The following CSNK1G1 variants were observed in gnomAD, a reference collection of about 807,000 sequenced individuals.
CSNK1G1 encodes the protein casein kinase 1 gamma 1, also known as casein kinase I isoform gamma-1.
CSNK1G1 carries 22 observed loss-of-function variants against 59.6 expected under a neutral mutation model. That is an observed-to-expected ratio of 0.37 (90% CI 0.26 to 0.53). The LOEUF is 0.53. Among genes scored for constraint, CSNK1G1 ranks in the 20% least tolerant of loss-of-function variants. The probability of loss-of-function intolerance (pLI) is 0.89; values close to 1 mark genes in which losing one functional copy is unlikely to be tolerated. For synonymous variants in CSNK1G1, 179 were observed against 177.1 expected (o/e 1.01, Z -0.08); for missense variants, 384 against 519.5 (o/e 0.74, Z 2.54).
chr15:64,198,896 C>T (rs921061687), intron 10 of CSNK1G1, among the ~76,000 whole-genome samples: 1 of 151,898 alleles, frequency 6.6e-6, no homozygotes, highest in African/African-American at 2.4e-5. Context: ...GGCGTTATAA[C>T]ATTTACATCA....
At chr15:64,324,230 CTGAG>C (rs1896721392) in intron 1 of CSNK1G1, among the ~76,000 whole-genome samples, 1 of 152,198 alleles carries the variant, frequency 6.6e-6, no homozygotes, top group African/African-American at 2.4e-5. Flanking sequence ...ATGGTTAATA[CTGAG>C]TGTCAACTTG....
chr15:64,241,241 C>A (rs766241512), intron 4 of CSNK1G1, among the ~76,000 whole-genome samples: 8 of 152,108 alleles, frequency 5.3e-5, no homozygotes, highest in Non-Finnish European at 1.0e-4. Flanking sequence ...GATCTTAAGT[C>A]AAAGCTGTAA....
intron 1 of CSNK1G1, among the ~76,000 whole-genome samples, chr15:64,330,496 C>G (rs1897065220): frequency 7.5e-6 from 1 of 132,722 alleles, no homozygotes; most frequent in African/African-American, 2.9e-5. Context: ...TAAAAACTCT[C>G]AATAAATTAG....
intron 1 of CSNK1G1, among the ~76,000 whole-genome samples, chr15:64,307,680 C>G (rs1193796466): frequency 6.6e-6 from 1 of 152,114 alleles, no homozygotes; most frequent in African/African-American, 2.4e-5. Flanking sequence ...CAGCAACTTA[C>G]TTGTTTTTGA....
intron 6 of CSNK1G1, among the ~76,000 whole-genome samples, chr15:64,211,101 A>AT (rs1472181038): frequency 6.6e-6 from 1 of 152,192 alleles, no homozygotes; most frequent in Non-Finnish European, 1.5e-5. Flanking sequence ...TTCTTTATAA[A>AT]ATGACCCAGC....
intron 1 of CSNK1G1, among the ~76,000 whole-genome samples, chr15:64,346,126 T>A (rs1897950697): frequency 6.6e-6 from 1 of 151,920 alleles, no homozygotes; most frequent in Non-Finnish European, 1.5e-5. Flanking sequence ...ATGCAGTGGC[T>A]CACACTTACA....
chr15:64,196,638 G>C (rs2082042486), intron 10 of CSNK1G1, among the ~76,000 whole-genome samples: 1 of 151,998 alleles, frequency 6.6e-6, no homozygotes, highest in Non-Finnish European at 1.5e-5. Flanking sequence ...TTTTAGTAGA[G>C]ATGGGGTTTC....
intron 11 of CSNK1G1, among the ~76,000 whole-genome samples, chr15:64,173,924 T>G (rs913636946): frequency 6.6e-6 from 1 of 152,190 alleles, no homozygotes; most frequent in African/African-American, 2.4e-5. Context: ...CAAATAGTGT[T>G]TTTCTATACG....
intron 4 of CSNK1G1, among the ~76,000 whole-genome samples, chr15:64,249,736 G>A (rs1188343394): frequency 1.3e-5 from 2 of 152,086 alleles, no homozygotes; most frequent in Admixed American, 6.6e-5. Context: ...TTTACTCCTC[G>A]CTTTCAGTGC....
chr15:64,233,467 T>A (rs2082574931), intron 4 of CSNK1G1, among the ~76,000 whole-genome samples: 1 of 152,152 alleles, frequency 6.6e-6, no homozygotes, highest in Non-Finnish European at 1.5e-5. Context: ...TTAGAGCTAT[T>A]TGAGAATTTA....
intron 2 of CSNK1G1, among the ~76,000 whole-genome samples, chr15:64,287,277 T>A (rs558371750): frequency 3.9e-5 from 6 of 152,210 alleles, no homozygotes; most frequent in Non-Finnish European, 8.8e-5. Context: ...AAGTTCCTTA[T>A]AAGTCTAAAA....
intron 1 of CSNK1G1, among the ~76,000 whole-genome samples, chr15:64,318,697 G>A (rs1222944208): frequency 4.0e-5 from 6 of 149,804 alleles, no homozygotes; most frequent in South Asian, 2.1e-4. Flanking sequence ...TGCAACCTCC[G>A]CCTCCCAAGT....
At chr15:64,234,861 G>C (rs866860435) in intron 4 of CSNK1G1, among the ~76,000 whole-genome samples, 1 of 152,022 alleles carries the variant, frequency 6.6e-6, no homozygotes, top group African/African-American at 2.4e-5. Flanking sequence ...ACCCAAGATG[G>C]GTCAGCCAAT....
At chr15:64,337,336 A>G (rs1897441463) in intron 1 of CSNK1G1, among the ~76,000 whole-genome samples, 1 of 152,202 alleles carries the variant, frequency 6.6e-6, no homozygotes. Flanking sequence ...AAGTTTTTCC[A>G]GTAATATACT....
intron 4 of CSNK1G1, among the ~76,000 whole-genome samples, chr15:64,221,702 A>T (rs1406386740): frequency 6.6e-6 from 1 of 151,884 alleles, no homozygotes; most frequent in Non-Finnish European, 1.5e-5. Flanking sequence ...TCATCTGTAA[A>T]GAGGAGGGGG....
intron 1 of CSNK1G1, among the ~76,000 whole-genome samples, chr15:64,353,678 T>A (rs1479500663): frequency 6.6e-6 from 1 of 150,542 alleles, no homozygotes; most frequent in Non-Finnish European, 1.5e-5. Flanking sequence ...AGAAAAAGAC[T>A]TCATGGGCTG....
At chr15:64,230,273 T>C (rs1041530673) in intron 4 of CSNK1G1, among the ~76,000 whole-genome samples, 1 of 151,624 alleles carries the variant, frequency 6.6e-6, no homozygotes, top group Non-Finnish European at 1.5e-5. Context: ...GTTAATATTT[T>C]AGTATATAGT....
intron 6 of CSNK1G1, among the ~76,000 whole-genome samples, chr15:64,213,005 CA>C (rs1367688206): frequency 6.6e-6 from 1 of 151,946 alleles, no homozygotes; most frequent in Admixed American, 6.5e-5. Flanking sequence ...GACTACATCT[CA>C]AAAAAATAAA....
intron 1 of CSNK1G1, among the ~76,000 whole-genome samples, chr15:64,346,544 G>T (rs555952959): frequency 2.6e-5 from 4 of 151,678 alleles, no homozygotes; most frequent in East Asian, 3.9e-4. Context: ...TGCAAATTCC[G>T]CCTCCCAGGT....
Sources: allele counts gnomAD v4.1 joint callset (sites outside exome capture counted in the v4.1 genomes callset), GRCh38; gene constraint gnomAD v4.1.1; transcripts MANE v1.5; gene names NCBI Gene and HGNC (gene_info 2026-07-23, HGNC 2026-07-21).